Variants in PUS7L observed in about 807,000 individuals in gnomAD.
The protein encoded by PUS7L is pseudouridine synthase 7 like.
In PUS7L, 49 loss-of-function variants were observed where a neutral mutation model predicts 51.1. The observed-to-expected ratio is 0.96, with a 90% CI of 0.76 to 1.22. The LOEUF (loss-of-function observed/expected upper bound fraction) is 1.22, where lower values mean the gene tolerates loss of function less well. PUS7L is among the 50% of genes most tolerant of loss of function. The pLI, the probability that PUS7L is intolerant of heterozygous loss-of-function variation, is 0.00. For missense variants in PUS7L, 828 were observed against 820.6 expected, an observed-to-expected ratio of 1.01 and a Z score of -0.11; for synonymous variants, 277 against 276.2, an observed-to-expected ratio of 1.00 and a Z score of -0.03.
At chr12:43,749,519 CA>C (rs1418974973) in intron 2 of PUS7L, among the ~76,000 whole-genome samples, 2 of 151,946 alleles carry the variant, frequency 1.3e-5, no homozygotes, top group Non-Finnish European at 2.9e-5. Context: ...CCCATCTCTA[CA>C]AAAAATTAAA....
intron 8 of PUS7L, 107 bp from the exon 9 acceptor site, chr12:43,730,809 T>C: frequency 1.4e-6 from 1 of 695,558 alleles, no homozygotes; most frequent in African/African-American, 1.8e-5. Flanking sequence ...AAAAATAGTC[T>C]CAGAATATAA....
At position 43,755,068 on chromosome 12, in the gene PUS7L, T is replaced by C. The variant is rs760583523; in HGVS notation, c.178A>G (p.Ile60Val). The stretch of plus-strand genomic sequence containing the variant: ...GGAAAATTATTTGGCTCAAGTTGTA[T>C]TTCACTAATCTTGAAAATAGGCTCA... ...IDEPIFKISEIQLEPNNFPKK... is the reference protein window; with the variant it reads ...IDEPIFKISEVQLEPNNFPKK... Residue 60 changes from isoleucine to valine, a missense_variant, in exon 2 of 9, where the codon ATA (isoleucine) becomes GTA (valine). Transcript: ENST00000344862. The C allele has an allele frequency of 6.2e-7, 1 of 1,613,680 alleles. No individual in the cohort carries two copies. The highest frequency in any genetic ancestry group is 2.2e-5 in the East Asian group (1 of 44,830).
At chr12:43,731,937 A>G (rs979739774) in intron 7 of PUS7L, among the ~76,000 whole-genome samples, 179 bp from the exon 8 acceptor site, 1 of 152,200 alleles carries the variant, frequency 6.6e-6, no homozygotes, top group African/African-American at 2.4e-5. Flanking sequence ...AATTAGAATG[A>G]TTCTTCCTGC....
intron 4 of PUS7L, 162 bp from the exon 5 acceptor site, chr12:43,742,717 A>C (rs1480511667): frequency 1.2e-6 from 1 of 846,336 alleles, no homozygotes; most frequent in Non-Finnish European, 1.4e-6. Flanking sequence ...TGTAAATTAA[A>C]GAAAAGGAAA....
At chr12:43,742,746 G>T in intron 4 of PUS7L, 191 bp from the exon 5 acceptor site, 1 of 645,272 alleles carries the variant, frequency 1.5e-6, no homozygotes, top group Non-Finnish European at 1.9e-6. Context: ...AGAATTAGAA[G>T]TTAGAACATA....
Position 43,723,212 on chromosome 12 carries a change from C to T in PUS7L, c.*7164G>A. The T allele has an allele frequency of 6.6e-6, 1 of 152,074 alleles. No homozygotes were observed. 9.4% of individuals were successfully genotyped at this position (152,074 alleles called of 1,614,324 possible). On this transcript the variant is annotated 3_prime_UTR_variant, in exon 9 of 9. Coordinates refer to ENST00000344862, the MANE Select transcript of PUS7L (RefSeq NM_031292.5). The stretch of plus-strand genomic sequence containing the variant: ...AGGCAGAGTAAATTAACTCCTGCCT[C>T]AAAGTTGCTGAGAAAATGAATTGCT...
Position 43,755,226 on chromosome 12 carries a change from T to C in PUS7L, c.20A>G (p.Tyr7Cys), listed in dbSNP as rs1938646600. The stretch of plus-strand genomic sequence containing the variant: ...ACACAAAGAACTAAACCTGATTCTA[T>C]AATCTGTATCTTCTTCCATTCTTCT... MEEDTD[Y>C]RIRFSSLCFF... Residue 7 changes from tyrosine to cysteine, a missense_variant, in exon 2 of 9, where the codon TAT (tyrosine) becomes TGT (cysteine). Tyr to Cys is a radical substitution (Grantham distance 194). Coordinates refer to ENST00000344862, the MANE Select transcript of PUS7L (RefSeq NM_031292.5). 2 of 1,598,706 alleles carry C rather than the reference T, an allele frequency of 1.3e-6. No homozygotes were observed. Among genetic ancestry groups the C allele is most frequent in the South Asian group, 1.1e-5 (1 of 88,886 alleles).
At chr12:43,749,468 G>T (rs1052029853) in intron 2 of PUS7L, among the ~76,000 whole-genome samples, 2 of 152,138 alleles carry the variant, frequency 1.3e-5, no homozygotes, top group Non-Finnish European at 2.9e-5. Context: ...AGGATTTCAA[G>T]AGCAAACAAT....
intron 5 of PUS7L, among the ~76,000 whole-genome samples, chr12:43,740,033 C>T (rs1411805348): frequency 6.6e-6 from 1 of 151,976 alleles, no homozygotes; most frequent in Non-Finnish European, 1.5e-5. Flanking sequence ...AATGGCAAGC[C>T]CTTAATTTCA....
intron 2 of PUS7L, among the ~76,000 whole-genome samples, chr12:43,750,006 C>T (rs944248062): frequency 6.6e-6 from 1 of 152,152 alleles, no homozygotes; most frequent in African/African-American, 2.4e-5. Flanking sequence ...ACAATATACC[C>T]TTGTAACAAA....
intron 4 of PUS7L, among the ~76,000 whole-genome samples, chr12:43,743,702 G>T (rs1266743913): frequency 4.6e-5 from 7 of 152,040 alleles, no homozygotes; most frequent in African/African-American, 1.7e-4. Context: ...GGGGGTGCTT[G>T]CAGTGAGCCG....
chr12:43,730,324 C>T lies in PUS7L; in HGVS notation c.*52G>A, dbSNP rs1944519205. On this transcript the variant is annotated 3_prime_UTR_variant, in exon 9 of 9. Coordinates refer to ENST00000344862, the MANE Select transcript of PUS7L (RefSeq NM_031292.5). ...TGGAAGGTGCTTAAGACATTTTAGCCCCCTTTCCTTCAAAGAGTGACATAT... is the reference window on the plus strand; with the variant it reads ...TGGAAGGTGCTTAAGACATTTTAGCTCCCTTTCCTTCAAAGAGTGACATAT... 2.2e-6 allele frequency: 3 copies of T among 1,376,898 alleles called. No homozygotes were observed. Among genetic ancestry groups the T allele is most frequent in the African/African-American group, 2.9e-5 (2 of 69,094 alleles). The allele number at this position is 1,376,898 out of a possible 1,614,324, so 85.3% of individuals were successfully genotyped here.
rs1394993246 is a variant in PUS7L at position 43,728,309 on chromosome 12, AAATAAATC to A, written c.*2059_*2066del. 1 of 152,150 alleles carries A rather than the reference AAATAAATC, an allele frequency of 6.6e-6. No homozygotes were observed. The highest frequency in any genetic ancestry group is 1.5e-5 in the Non-Finnish European group (1 of 67,992). 9.4% of individuals were successfully genotyped at this position (152,150 alleles called of 1,614,324 possible). A position where few individuals can be genotyped will look rare whatever the true frequency, so the allele number is the denominator to read the frequency against. On this transcript the variant is annotated 3_prime_UTR_variant, in exon 9 of 9. Coordinates refer to ENST00000344862, the MANE Select transcript of PUS7L (RefSeq NM_031292.5). ...TTTATACACTGCTGAAGTATTTACT[AAATAAATC>A]AATAAATGTCTAAAATTATAGTGCC...
rs775902811 is a variant in PUS7L at position 43,746,232 on chromosome 12, T to C, written c.1077A>G (p.Lys359=). ...VVRKVTPERL[K]NIEKEIEKKR... is the part of the protein sequence containing the mutation. ...TCTTTTCAATTTCTTTTTCAATATT[T>C]TTCAACCTGTAAGTAATAAATCATA... Residue 359 remains lysine, a synonymous_variant, in exon 4 of 9, where the codon AAA becomes AAG. Coordinates refer to ENST00000344862, the MANE Select transcript of PUS7L (RefSeq NM_031292.5). 6 of 1,251,446 alleles carry C rather than the reference T, an allele frequency of 4.8e-6. No individual in the cohort carries two copies. In the East Asian group the frequency reaches 1.5e-4, roughly 31 times the overall value. 77.5% of individuals were successfully genotyped at this position (1,251,446 alleles called of 1,614,324 possible). A position where few individuals can be genotyped will look rare whatever the true frequency, so the allele number is the denominator to read the frequency against.
intron 4 of PUS7L, among the ~76,000 whole-genome samples, chr12:43,743,381 A>G (rs74738452): frequency 0.018 from 2,763 of 152,318 alleles, 34 homozygotes; most frequent in Non-Finnish European, 0.027. Flanking sequence ...TTGAATACCA[A>G]CTCAAGAACT....
At position 43,738,733 on chromosome 12, in the gene PUS7L, C is replaced by T. The variant is rs375585638; in HGVS notation, c.1363-342G>A. On this transcript the variant is annotated intron_variant, in intron 5 of 8. Transcript: ENST00000344862. ...GTGTAAGAATTCTGAAAAGCTTAGG[C>T]TAAATGTATTAAACCCTTATTTTTA... 8.7e-4 allele frequency: 228 copies of T among 261,074 alleles called. 1 individual carries two copies. The South Asian group carries it at 0.011, about 12-fold the overall frequency. The allele number at this position is 261,074 out of a possible 1,614,324, so 16.2% of individuals were successfully genotyped here.
rs1195235608 is a variant in PUS7L at position 43,724,542 on chromosome 12, T to G, written c.*5834A>C. 1.3e-5 allele frequency: 2 copies of G among 152,142 alleles called. No homozygotes were observed. The highest frequency in any genetic ancestry group is 4.8e-5 in the African/African-American group (2 of 41,458). 9.4% of individuals were successfully genotyped at this position (152,142 alleles called of 1,614,324 possible). On this transcript the variant is annotated 3_prime_UTR_variant, in exon 9 of 9. Coordinates refer to ENST00000344862, the MANE Select transcript of PUS7L (RefSeq NM_031292.5). ...ATCAGTAAAATTTTAAGATATAGCA[T>G]GTGGTCATCAATGCCTCTGCTCATA... is the stretch of plus-strand genomic sequence containing the variant.
At chr12:43,744,868 C>G (rs530031221) in intron 4 of PUS7L, among the ~76,000 whole-genome samples, 1 of 152,012 alleles carries the variant, frequency 6.6e-6, no homozygotes, top group Non-Finnish European at 1.5e-5. Flanking sequence ...AACCTGCATC[C>G]CCAAATGTTC....
At chr12:43,756,367 T>C (rs1565648617) in intron 1 of PUS7L, among the ~76,000 whole-genome samples, 1 of 152,242 alleles carries the variant, frequency 6.6e-6, no homozygotes, top group African/African-American at 2.4e-5. Flanking sequence ...CCCACCCATC[T>C]ACCTTAGGAC....
Sources: gnomAD v4.1 joint callset for allele counts (sites outside exome capture counted in the v4.1 genomes callset) on GRCh38, gnomAD v4.1.1 for gene constraint, MANE v1.5 for transcripts, NCBI Gene and HGNC (gene_info 2026-07-23, HGNC 2026-07-21) for gene names.